Variants in HIBADH observed in about 807,000 individuals in gnomAD.
HIBADH encodes the protein 3-hydroxyisobutyrate dehydrogenase, also known as 3-hydroxyisobutyrate dehydrogenase, mitochondrial.
HIBADH carries 25 observed loss-of-function variants against 36.1 expected under a neutral mutation model. That is an observed-to-expected ratio of 0.69 (90% CI 0.50 to 0.97). The LOEUF is 0.97. Ranked by LOEUF, HIBADH falls within the 50% of genes least tolerant of loss-of-function variation. The pLI, the probability that HIBADH is intolerant of heterozygous loss-of-function variation, is 0.00. For missense variants in HIBADH, 421 were observed against 418.0 expected (o/e 1.01, Z -0.06); for synonymous variants, 160 against 149.5 (o/e 1.07, Z -0.51).
rs533180459 is a variant in HIBADH at position 27,614,270 on chromosome 7, C to CA, written c.484+15100dup. Among the ~76,000 whole-genome samples, 6 of 152,322 alleles carry CA rather than the reference C, an allele frequency of 3.9e-5. No individual in the cohort carries two copies. In the East Asian group the frequency reaches 1.2e-3, roughly 29 times the overall value. ...ATCATAATCACACTCGCCACAATGG[C>CA]ACCTAATATTACAATACAACATTTT... On this transcript the variant is annotated intron_variant, in intron 4 of 7. Transcript: ENST00000265395.
chr7:27,612,331 T>C (rs1211473219), intron 4 of HIBADH, among the ~76,000 whole-genome samples: 8 of 149,982 alleles, frequency 5.3e-5, no homozygotes, highest in African/African-American at 1.7e-4. Context: ...CTTTTTTTTT[T>C]CTTTTTTTTT....
intron 4 of HIBADH, among the ~76,000 whole-genome samples, chr7:27,571,612 A>T (rs1378779905): frequency 6.6e-6 from 1 of 151,976 alleles, no homozygotes; most frequent in African/African-American, 2.4e-5. Flanking sequence ...GAGATTGAAT[A>T]TTTTTGTTTC....
intron 4 of HIBADH, among the ~76,000 whole-genome samples, chr7:27,547,565 A>G (rs1387908675): frequency 6.6e-6 from 1 of 152,194 alleles, no homozygotes; most frequent in African/African-American, 2.4e-5. Context: ...TCAAGGAAAC[A>G]GACAACGACT....
At chr7:27,642,810 C>T (rs942895694) in intron 2 of HIBADH, among the ~76,000 whole-genome samples, 1 of 151,948 alleles carries the variant, frequency 6.6e-6, no homozygotes, top group Admixed American at 6.6e-5. Flanking sequence ...CGCCATTACG[C>T]CCGGCTAATT....
rs537930316 is a variant in HIBADH, at chr7:27,545,323, C to T, written c.485-2223G>A. On this transcript the variant is annotated intron_variant, in intron 4 of 7. Transcript: ENST00000265395. Reference sequence around the variant, plus strand: ...GCATGGTGGCATGTGCCTGTAGTCCCAGCTACTCAGGAGGCTGAGATGGAG... The same window carrying T: ...GCATGGTGGCATGTGCCTGTAGTCCTAGCTACTCAGGAGGCTGAGATGGAG... Among the ~76,000 whole-genome samples, 4 of 152,270 alleles carry T rather than the reference C, an allele frequency of 2.6e-5. No homozygotes were observed. In the South Asian group the frequency reaches 8.3e-4, roughly 32 times the overall value.
intron 4 of HIBADH, among the ~76,000 whole-genome samples, chr7:27,580,607 ATCT>A (rs932667843): frequency 7.2e-5 from 11 of 152,210 alleles, no homozygotes; most frequent in African/African-American, 2.2e-4. Flanking sequence ...TGCAATTTAT[ATCT>A]TTTTTACCAG....
At chr7:27,611,009 G>T (rs564743515) in intron 4 of HIBADH, among the ~76,000 whole-genome samples, 1 of 152,280 alleles carries the variant, frequency 6.6e-6, no homozygotes, top group East Asian at 1.9e-4. Context: ...CTCTCTAAGA[G>T]AAATTTCTTA....
intron 4 of HIBADH, among the ~76,000 whole-genome samples, chr7:27,549,401 A>G (rs1562617755): frequency 6.6e-6 from 1 of 152,174 alleles, no homozygotes; most frequent in Non-Finnish European, 1.5e-5. Context: ...GTCAATTAAA[A>G]AATGAAATCG....
intron 4 of HIBADH, among the ~76,000 whole-genome samples, chr7:27,599,721 C>A (rs1190714150): frequency 1.0e-4 from 12 of 118,476 alleles, no homozygotes; most frequent in African/African-American, 2.9e-4. Flanking sequence ...TACAGCTGAA[C>A]AACAGAAAGT....
At chr7:27,589,790 G>T (rs1784914243) in intron 4 of HIBADH, among the ~76,000 whole-genome samples, 1 of 152,150 alleles carries the variant, frequency 6.6e-6, no homozygotes, top group Non-Finnish European at 1.5e-5. Flanking sequence ...CTGTGGCAAA[G>T]ACTCTGTGGT....
In HIBADH at chr7:27,526,283, A is replaced by G; in HGVS notation, c.942T>C (p.Cys314=). Residue 314 remains cysteine, a synonymous_variant, in exon 8 of 8, where the codon TGT becomes TGC. Coordinates refer to ENST00000265395, the MANE Select transcript of HIBADH (RefSeq NM_152740.4). ...AGTCTTTCTTTGAGTAGCCCTTTGCACACATCATCCTGTAGATCTGATGGG... is the reference window on the plus strand; with the variant it reads ...AGTCTTTCTTTGAGTAGCCCTTTGCGCACATCATCCTGTAGATCTGATGGG... The part of the protein sequence containing the change: ...SLAHQIYRMM[C]AKGYSKKDFS... 6.2e-7 allele frequency: 1 copy of G among 1,613,796 alleles called. No individual in the cohort carries two copies. The highest frequency in any genetic ancestry group is 8.5e-7 in the Non-Finnish European group (1 of 1,179,876).
At chr7:27,586,530 C>T (rs953068052) in intron 4 of HIBADH, among the ~76,000 whole-genome samples, 2 of 152,044 alleles carry the variant, frequency 1.3e-5, no homozygotes, top group African/African-American at 4.8e-5. Flanking sequence ...TTCCTCAATT[C>T]CATCTGAGCA....
intron 4 of HIBADH, among the ~76,000 whole-genome samples, chr7:27,572,965 T>G (rs1220493427): frequency 6.6e-6 from 1 of 151,590 alleles, no homozygotes; most frequent in Non-Finnish European, 1.5e-5. Context: ...AACAGAAGAG[T>G]AAAAGAAGCT....
At chr7:27,590,521 C>A (rs1444963982) in intron 4 of HIBADH, among the ~76,000 whole-genome samples, 1 of 152,144 alleles carries the variant, frequency 6.6e-6, no homozygotes, top group Non-Finnish European at 1.5e-5. Flanking sequence ...TAAAAAACAT[C>A]AAGGTTTCTC....
chr7:27,544,363 AAG>A (rs1784202962), intron 4 of HIBADH, among the ~76,000 whole-genome samples: 1 of 152,352 alleles, frequency 6.6e-6, no homozygotes, highest in South Asian at 2.1e-4. Flanking sequence ...ACAATCTTGG[AAG>A]AGTGAGTGCC....
intron 4 of HIBADH, among the ~76,000 whole-genome samples, chr7:27,585,502 T>G (rs1370844558): frequency 1.3e-5 from 2 of 152,194 alleles, no homozygotes; most frequent in Non-Finnish European, 2.9e-5. Flanking sequence ...GGCCCCAGAT[T>G]AGCCAGGAGA....
At chr7:27,594,945 G>A (rs1381487579) in intron 4 of HIBADH, among the ~76,000 whole-genome samples, 1 of 151,774 alleles carries the variant, frequency 6.6e-6, no homozygotes, top group Non-Finnish European at 1.5e-5. Context: ...AACTGCAAAG[G>A]AATAAAAAAT....
chr7:27,640,984 T>C (rs1314450042), intron 2 of HIBADH, among the ~76,000 whole-genome samples: 2 of 152,096 alleles, frequency 1.3e-5, no homozygotes, highest in Non-Finnish European at 2.9e-5. Flanking sequence ...AAGAAAAGCC[T>C]CCAGGGTCAT....
intron 2 of HIBADH, among the ~76,000 whole-genome samples, chr7:27,644,795 C>T (rs114717174): frequency 1.4e-3 from 217 of 151,828 alleles, no homozygotes; most frequent in African/African-American, 5.1e-3. Flanking sequence ...ATCTTATACG[C>T]ATTAGCTATC....
Sources: gnomAD v4.1 joint callset for allele counts (sites outside exome capture counted in the v4.1 genomes callset) on GRCh38, gnomAD v4.1.1 for gene constraint, MANE v1.5 for transcripts, NCBI Gene and HGNC (gene_info 2026-07-23, HGNC 2026-07-21) for gene names.